The following TXNRD2 variants were observed in gnomAD, a reference collection of about 807,000 sequenced individuals.
TXNRD2 encodes thioredoxin reductase 2, mitochondrial.
In TXNRD2, 67 loss-of-function variants were observed where a neutral mutation model predicts 70.8. The ratio of observed to expected loss-of-function variants is 0.95; its 90% CI spans 0.78 to 1.16. The LOEUF (loss-of-function observed/expected upper bound fraction) is 1.16, where lower values mean the gene tolerates loss of function less well. TXNRD2 is among the 50% of genes most tolerant of loss of function. The probability of loss-of-function intolerance (pLI) is 0.00; values close to 1 mark genes in which losing one functional copy is unlikely to be tolerated. For missense variants in TXNRD2, 644 were observed against 719.9 expected (o/e 0.89, Z 1.21); for synonymous variants, 301 against 295.8 (o/e 1.02, Z -0.18).
chr22:19,932,593 G>T, intron 1 of TXNRD2: 1 of 1,441,980 alleles, frequency 6.9e-7, no homozygotes, highest in Non-Finnish European at 9.1e-7. Flanking sequence ...CCTGCTGAAG[G>T]AAGGAAGAAA....
chr22:19,896,267 C>T (rs966328600), intron 10 of TXNRD2, among the ~76,000 whole-genome samples: 1 of 151,716 alleles, frequency 6.6e-6, no homozygotes, highest in African/African-American at 2.4e-5. Context: ...CACTGCACTC[C>T]AGCCTGGGTG....
chr22:19,912,330 C>A (rs1940449523), intron 7 of TXNRD2, among the ~76,000 whole-genome samples: 1 of 152,228 alleles, frequency 6.6e-6, no homozygotes. Context: ...AAAACGCAAG[C>A]AAGCCTTGGC....
intron 11 of TXNRD2, 40 bp from the exon 12 acceptor site, chr22:19,883,501 T>G (rs1601389775): frequency 6.2e-7 from 1 of 1,613,416 alleles, no homozygotes; most frequent in Non-Finnish European, 8.5e-7. Context: ...TTATCTTCAG[T>G]GGCTTTGACC....
intron 11 of TXNRD2, among the ~76,000 whole-genome samples, chr22:19,890,296 C>G (rs1291186656): frequency 6.6e-6 from 1 of 152,216 alleles, no homozygotes; most frequent in Non-Finnish European, 1.5e-5. Flanking sequence ...AAATATCAAA[C>G]TCACAATGGA....
Position 19,880,620 on chromosome 22 carries a change from A to T in TXNRD2, c.1182+2T>A. On this transcript the variant is annotated splice_donor_variant, in intron 13 of 17. Coordinates refer to ENST00000400521, the MANE Select transcript of TXNRD2 (RefSeq NM_006440.5). LOFTEE classifies it high-confidence loss of function. ...CACGTGGCGTCCTGCTAGAGAACTCACATTGTCGTAGTCCATCAGATCTGA... is the reference window on the plus strand; with the variant it reads ...CACGTGGCGTCCTGCTAGAGAACTCTCATTGTCGTAGTCCATCAGATCTGA... The T allele has an allele frequency of 3.1e-6, 5 of 1,613,190 alleles. No individual in the cohort carries two copies. The highest frequency in any genetic ancestry group is 4.2e-6 in the Non-Finnish European group (5 of 1,179,800).
At chr22:19,886,648 G>A (rs927185658) in intron 11 of TXNRD2, among the ~76,000 whole-genome samples, 3 of 152,254 alleles carry the variant, frequency 2.0e-5, no homozygotes, top group Non-Finnish European at 4.4e-5. Flanking sequence ...GGGAAAGAAG[G>A]GTGCCTGCAC....
intron 8 of TXNRD2, among the ~76,000 whole-genome samples, chr22:19,909,874 T>TCACACACACAACCACACACACCCTACTCA (rs1295818653): frequency 0.29 from 11,591 of 40,082 alleles, 1,761 homozygotes; most frequent in African/African-American, 0.45. Flanking sequence ...CACACACCAC[T>TCACACACACAACCACACACACCCTACTCA]CACACACACC....
At chr22:19,936,244 G>C (rs1327565870) in intron 1 of TXNRD2, among the ~76,000 whole-genome samples, 1 of 151,926 alleles carries the variant, frequency 6.6e-6, no homozygotes, top group East Asian at 1.9e-4. Context: ...TTCTGAATCT[G>C]GCCACCCTCT....
chr22:19,934,415 C>T (rs962647918), intron 1 of TXNRD2, among the ~76,000 whole-genome samples: 34 of 149,976 alleles, frequency 2.3e-4, no homozygotes, highest in African/African-American at 7.9e-4. Context: ...CACCCCTAGT[C>T]TGGGTACAGT....
intron 1 of TXNRD2, among the ~76,000 whole-genome samples, chr22:19,934,701 T>C (rs987413746): frequency 2.0e-5 from 3 of 152,006 alleles, no homozygotes; most frequent in Admixed American, 1.3e-4. Context: ...TAGCTGGGAC[T>C]ACAGGCACCC....
At chr22:19,932,854 T>C (rs990440050) in intron 1 of TXNRD2, among the ~76,000 whole-genome samples, 1 of 152,180 alleles carries the variant, frequency 6.6e-6, no homozygotes, top group African/African-American at 2.4e-5. Flanking sequence ...GCCTAGCGTC[T>C]GCCATGAGAA....
At chr22:19,880,119 A>T (rs1372955110) in intron 14 of TXNRD2, 60 bp downstream of exon 14, 10 of 1,564,638 alleles carry the variant, frequency 6.4e-6, no homozygotes, top group Non-Finnish European at 8.8e-6. Context: ...CTCCGCCCAG[A>T]GCATGGGGTG....
intron 2 of TXNRD2, among the ~76,000 whole-genome samples, chr22:19,924,412 T>C (rs1172144790): frequency 6.6e-6 from 1 of 152,188 alleles, no homozygotes; most frequent in Non-Finnish European, 1.5e-5. Context: ...CATCTTCACC[T>C]GGCCTTTCAC....
chr22:19,885,825 T>C (rs920990588), intron 11 of TXNRD2, among the ~76,000 whole-genome samples: 1 of 152,218 alleles, frequency 6.6e-6, no homozygotes, highest in African/African-American at 2.4e-5. Flanking sequence ...TATGGCACTA[T>C]GGCAACTACA....
intron 11 of TXNRD2, chr22:19,884,319 G>A (rs1938926177): frequency 6.6e-6 from 1 of 152,340 alleles, no homozygotes; most frequent in Non-Finnish European, 1.5e-5. Flanking sequence ...ACTGGAGTCG[G>A]CCTTAGACTG....
intron 1 of TXNRD2, chr22:19,932,368 A>C: frequency 6.2e-7 from 1 of 1,612,656 alleles, no homozygotes; most frequent in Non-Finnish European, 8.5e-7. Context: ...TTGGTCCTCC[A>C]TGGTGGCTCA....
chr22:19,887,884 T>A (rs1263539462), intron 11 of TXNRD2: 1 of 152,594 alleles, frequency 6.6e-6, no homozygotes, highest in African/African-American at 2.4e-5. Flanking sequence ...CCTTCAGAGA[T>A]GGCAACCACT....
intron 11 of TXNRD2, among the ~76,000 whole-genome samples, chr22:19,888,925 C>T (rs377413943): frequency 4.0e-5 from 6 of 151,688 alleles, no homozygotes; most frequent in Non-Finnish European, 7.4e-5. Context: ...CAATGAGCCC[C>T]GGGCCCCTAC....
chr22:19,888,958 G>C (rs1338346623), intron 11 of TXNRD2, among the ~76,000 whole-genome samples: 1 of 151,968 alleles, frequency 6.6e-6, no homozygotes, highest in Non-Finnish European at 1.5e-5. Context: ...GCCCACCAGG[G>C]GGAAGGGGAC....
Sources: gnomAD v4.1 joint callset for allele counts (sites outside exome capture counted in the v4.1 genomes callset) on GRCh38, gnomAD v4.1.1 for gene constraint, MANE v1.5 for transcripts, NCBI Gene and HGNC (gene_info 2026-07-23, HGNC 2026-07-21) for gene names.